Variants in SNAP29 observed in about 807,000 individuals in gnomAD.
SNAP29 encodes synaptosomal-associated protein 29.
SNAP29 carries 13 observed loss-of-function variants against 27.9 expected under a neutral mutation model. The ratio of observed to expected loss-of-function variants is 0.47; its 90% CI spans 0.30 to 0.74. SNAP29 has a LOEUF of 0.74. Among genes scored for constraint, SNAP29 ranks in the 30% least tolerant of loss-of-function variants. The pLI is 0.06. For synonymous variants in SNAP29, 119 were observed against 127.1 expected (o/e 0.94, Z 0.43); for missense variants, 368 against 336.5 (o/e 1.09, Z -0.73).
intron 1 of SNAP29, 101 bp from the exon 2 acceptor site, chr22:20,870,236 G>A (rs1928554056): frequency 1.0e-6 from 1 of 985,938 alleles, no homozygotes. Flanking sequence ...CTCCAGATGT[G>A]CCCACTGAGA....
chr22:20,867,300 C>T (rs761890408), intron 1 of SNAP29, among the ~76,000 whole-genome samples: 7 of 151,670 alleles, frequency 4.6e-5, no homozygotes, highest in Non-Finnish European at 8.9e-5. Context: ...CATTCTCCCA[C>T]GGGAAGTTGG....
chr22:20,882,266 C>T (rs577391788), intron 3 of SNAP29, among the ~76,000 whole-genome samples: 12 of 151,470 alleles, frequency 7.9e-5, no homozygotes, highest in African/African-American at 2.7e-4. Flanking sequence ...CTAATACAGC[C>T]TCCAGCCCAA....
intron 1 of SNAP29, among the ~76,000 whole-genome samples, chr22:20,861,513 C>G (rs1055569126): frequency 1.1e-4 from 17 of 151,982 alleles, no homozygotes; most frequent in Non-Finnish European, 2.1e-4. Flanking sequence ...TCTCGGCTCA[C>G]TGCAACCTCC....
intron 2 of SNAP29, among the ~76,000 whole-genome samples, chr22:20,876,255 C>CTT (rs539425477): frequency 1.1e-4 from 14 of 129,582 alleles, no homozygotes; most frequent in Non-Finnish European, 1.8e-4. Context: ...AAAACTTTGC[C>CTT]TTTTTTTTTT....
intron 4 of SNAP29, among the ~76,000 whole-genome samples, chr22:20,884,256 C>A (rs1388992675): frequency 1.3e-5 from 2 of 151,720 alleles, no homozygotes; most frequent in African/African-American, 4.8e-5. Flanking sequence ...CACTTGAACC[C>A]GGGAGGCAGA....
At chr22:20,869,324 ATGTCTGGGAAGGCCTCTCTGAGAGAGTGG>A (rs1928531538) in intron 1 of SNAP29, among the ~76,000 whole-genome samples, 1 of 152,164 alleles carries the variant, frequency 6.6e-6, no homozygotes, top group Non-Finnish European at 1.5e-5. Context: ...TTTAGGGAAG[ATGTCTGGGAAGGCCTCTCTGAGAGAGTGG>A]CCTTTGAAAG....
chr22:20,884,257 G>A (rs1055816427), intron 4 of SNAP29, among the ~76,000 whole-genome samples: 56 of 151,928 alleles, frequency 3.7e-4, no homozygotes, highest in African/African-American at 1.3e-3. Context: ...ACTTGAACCC[G>A]GGAGGCAGAG....
At chr22:20,874,359 A>C (rs1175505681) in intron 2 of SNAP29, among the ~76,000 whole-genome samples, 640 of 28,224 alleles carry the variant, frequency 0.023, 9 homozygotes, top group African/African-American at 0.031. Flanking sequence ...CCACACACAC[A>C]CACACACACA....
rs901135552 is a variant in SNAP29, at chr22:20,878,374, TAAAATAC to T, written c.435-2661_435-2655del. Among the ~76,000 whole-genome samples, 12 of 152,068 alleles carry T rather than the reference TAAAATAC, an allele frequency of 7.9e-5. No homozygotes were observed. In the South Asian group the frequency reaches 8.3e-4, roughly 11 times the overall value. ...GGCTAACACAGTGAAACCCTGTCTC[TAAAATAC>T]AAAATACAAAATAAAATACAAAAAC... On this transcript the variant is annotated intron_variant, in intron 2 of 4. Transcript: ENST00000215730.
intron 1 of SNAP29, among the ~76,000 whole-genome samples, chr22:20,864,608 T>G (rs1180162033): frequency 6.6e-6 from 1 of 152,168 alleles, no homozygotes; most frequent in African/African-American, 2.4e-5. Flanking sequence ...CCAGAGTTCT[T>G]AGCAAAAGTT....
At chr22:20,868,778 A>G (rs1047609884) in intron 1 of SNAP29, among the ~76,000 whole-genome samples, 1 of 152,216 alleles carries the variant, frequency 6.6e-6, no homozygotes, top group African/African-American at 2.4e-5. Context: ...CCGCAGCTGT[A>G]GATCAGTTCT....
chr22:20,883,439 A>T, intron 3 of SNAP29, 32 bp from the exon 4 acceptor site: 5 of 1,354,216 alleles, frequency 3.7e-6, no homozygotes, highest in Non-Finnish European at 5.3e-6. Context: ...ATGTCAATTA[A>T]CCGCTCTCCT....
intron 3 of SNAP29, among the ~76,000 whole-genome samples, chr22:20,882,345 C>G (rs1431342792): frequency 1.3e-5 from 2 of 151,780 alleles, no homozygotes; most frequent in African/African-American, 4.8e-5. Flanking sequence ...CCACTTCTAT[C>G]AAGTGATAGG....
intron 2 of SNAP29, among the ~76,000 whole-genome samples, chr22:20,875,143 A>G (rs909137036): frequency 8.5e-5 from 13 of 152,136 alleles, no homozygotes; most frequent in Admixed American, 6.5e-5. Flanking sequence ...GCTTCCCAGC[A>G]AAGGCTTCCA....
At chr22:20,868,658 T>C (rs970356607) in intron 1 of SNAP29, among the ~76,000 whole-genome samples, 1 of 151,946 alleles carries the variant, frequency 6.6e-6, no homozygotes, top group Non-Finnish European at 1.5e-5. Flanking sequence ...AGCCACAGGG[T>C]GATGGGTGGA....
At position 20,889,227 on chromosome 22, in the gene SNAP29, C is replaced by G. The variant is rs1015419162; in HGVS notation, c.*1391C>G. The stretch of plus-strand genomic sequence containing the variant: ...TCCCAGTACTTCCCTTTACAGTCTG[C>G]AGCCTATAAACAGTGGTGTCTCAAA... On this transcript the variant is annotated 3_prime_UTR_variant, in exon 5 of 5. Transcript: ENST00000215730. 1 of 152,228 alleles carries G rather than the reference C, an allele frequency of 6.6e-6. No individual in the cohort carries two copies. The highest frequency in any genetic ancestry group is 1.5e-5 in the Non-Finnish European group (1 of 68,054). The allele number at this position is 152,228 out of a possible 1,614,324, so 9.4% of individuals were successfully genotyped here. A position where few individuals can be genotyped will look rare whatever the true frequency, so the allele number is the denominator to read the frequency against.
chr22:20,859,009 T>A lies in SNAP29; in HGVS notation c.-102T>A. 7.4e-7 allele frequency: 1 copy of A among 1,355,892 alleles called. No homozygotes were observed. Among genetic ancestry groups the A allele is most frequent in the Non-Finnish European group, 1.0e-6 (1 of 1,002,676 alleles). The allele number at this position is 1,355,892 out of a possible 1,614,324, so 84.0% of individuals were successfully genotyped here. On this transcript the variant is annotated 5_prime_UTR_variant, in exon 1 of 5. Transcript: ENST00000215730. The stretch of plus-strand genomic sequence containing the variant: ...CCTGCGCGCGACGCGCGGAAGGAGT[T>A]CGCGCGACGACCGCGGGGTCGGCGG...
rs568560066 is a variant in SNAP29, at chr22:20,880,942, A to G, written c.435-107A>G. 4.0e-5 allele frequency: 30 copies of G among 744,634 alleles called. No homozygotes were observed. The East Asian group carries it at 8.1e-4, about 20-fold the overall frequency. The allele number at this position is 744,634 out of a possible 1,614,324, so 46.1% of individuals were successfully genotyped here. On this transcript the variant is annotated intron_variant, in intron 2 of 4. Transcript: ENST00000215730. ...GGTCAGAAGGAGTTTGGCACAGAGG[A>G]GGCATTTGATTTTTAGCACACAGGC...
At chr22:20,866,301 G>A (rs1031332752) in intron 1 of SNAP29, among the ~76,000 whole-genome samples, 7 of 152,218 alleles carry the variant, frequency 4.6e-5, no homozygotes, top group African/African-American at 1.4e-4. Context: ...TCAGAGCCCC[G>A]GGTTTGAGCA....
Sources: allele counts gnomAD v4.1 joint callset (sites outside exome capture counted in the v4.1 genomes callset), GRCh38; gene constraint gnomAD v4.1.1; transcripts MANE v1.5; gene names NCBI Gene and HGNC (gene_info 2026-07-23, HGNC 2026-07-21).